TRNAU1AP: variants seen among roughly 807,000 people sequenced by gnomAD.
TRNAU1AP encodes the protein tRNA selenocysteine 1-associated protein 1.
In TRNAU1AP, 33 loss-of-function variants were observed where a neutral mutation model predicts 43.3. The ratio of observed to expected loss-of-function variants is 0.76; its 90% confidence interval spans 0.58 to 1.02. The LOEUF (loss-of-function observed/expected upper bound fraction) is 1.02, where lower values mean the gene tolerates loss of function less well. TRNAU1AP is among the 50% of genes least tolerant of loss of function. The pLI, the probability that TRNAU1AP is intolerant of heterozygous loss-of-function variation, is 0.00. For missense variants in TRNAU1AP, 290 were observed against 362.7 expected (o/e 0.80, Z 1.63); for synonymous variants, 143 against 129.1 (o/e 1.11, Z -0.73).
chr1:28,577,535 A>G lies in TRNAU1AP; in HGVS notation c.763A>G (p.Lys255Glu). 6.2e-7 allele frequency: 1 copy of G among 1,614,078 alleles called. No individual in the cohort carries two copies. Among genetic ancestry groups the G allele is most frequent in the Admixed American group, 1.7e-5 (1 of 59,992 alleles). The change falls in exon 9 of 9, where the codon AAG becomes GAG. Residue 255 changes from lysine (K) to glutamate (E), a missense_variant. This residue lies in a region of TRNAU1AP where 57 missense variants were observed against 55.1 expected (regional missense o/e 1.03). Coordinates refer to ENST00000373830, the MANE Select transcript of TRNAU1AP (RefSeq NM_017846.5). ...ACAGCTGGATGTGACTGAGGCCAAC[A>G]AGGAGTTCATGGAACAGAGTGAGGA... ...MPQLDVTEAN[K>E]EFMEQSEELY...
chr1:28,571,932 C>CGGGTGTTA, intron 8 of TRNAU1AP, 32 bp downstream of exon 8: 1 of 1,598,836 alleles, frequency 6.3e-7, no homozygotes, highest in Non-Finnish European at 8.6e-7. Context: ...ACTCTGTCAG[C>CGGGTGTTA]CATTATCAGG....
intron 8 of TRNAU1AP, chr1:28,574,697 C>T (rs1369869268): frequency 6.6e-6 from 1 of 152,158 alleles, no homozygotes; most frequent in Non-Finnish European, 1.5e-5. Flanking sequence ...AGCCACTGCT[C>T]CTGGCCAAAA....
intron 6 of TRNAU1AP, among the ~76,000 whole-genome samples, chr1:28,569,090 C>T (rs1354551342): frequency 3.3e-5 from 5 of 152,052 alleles, no homozygotes; most frequent in Non-Finnish European, 5.9e-5. Flanking sequence ...GGATTACAGG[C>T]GTGAGCCACT....
intron 2 of TRNAU1AP, among the ~76,000 whole-genome samples, chr1:28,555,857 C>CTT (rs374688110): frequency 4.7e-5 from 6 of 126,620 alleles, no homozygotes; most frequent in Non-Finnish European, 8.6e-5. Context: ...ATTTTTTTTT[C>CTT]TTTTTTTTTT....
At chr1:28,571,077 A>G in intron 6 of TRNAU1AP, 99 bp from the exon 7 acceptor site, 4 of 1,202,922 alleles carry the variant, frequency 3.3e-6, no homozygotes, top group Non-Finnish European at 4.7e-6. Context: ...GAAAAAAAAA[A>G]GTTAATCGGT....
intron 4 of TRNAU1AP, among the ~76,000 whole-genome samples, chr1:28,561,801 G>A (rs894614262): frequency 4.6e-5 from 7 of 152,068 alleles, no homozygotes; most frequent in African/African-American, 9.7e-5. Flanking sequence ...GGCCGGGTGT[G>A]GTGGCTCACT....
Position 28,567,424 on chromosome 1 carries a change from C to T in TRNAU1AP, c.530+11C>T, listed in dbSNP as rs1665565968. 3 of 1,592,890 alleles carry T rather than the reference C, an allele frequency of 1.9e-6. No homozygotes were observed. The highest frequency in any genetic ancestry group is 2.6e-6 in the Non-Finnish European group (3 of 1,174,692). On this transcript the variant is annotated intron_variant, in intron 6 of 8. Coordinates refer to ENST00000373830, the MANE Select transcript of TRNAU1AP (RefSeq NM_017846.5). Reference sequence around the variant, plus strand: ...GGCAATCCCTAAAGCGTGAGTCCTGCAGGGAAGGTAGAGAGACTCTAGACT... The same window carrying T: ...GGCAATCCCTAAAGCGTGAGTCCTGTAGGGAAGGTAGAGAGACTCTAGACT...
intron 6 of TRNAU1AP, among the ~76,000 whole-genome samples, chr1:28,569,857 C>T (rs141302097): frequency 0.25 from 36,958 of 146,696 alleles, 4,783 homozygotes; most frequent in Middle Eastern, 0.33. Flanking sequence ...AAAAATTAGC[C>T]GGGCGTGCTG....
Position 28,553,159 on chromosome 1 carries a change from G to A in TRNAU1AP, c.27+22G>A, listed in dbSNP as rs372417578. The stretch of plus-strand genomic sequence containing the variant: ...CGACGTGAGTGAGGGCAGCCGTCCG[G>A]GGTCTGAAGACAAGGAAGCATCTCG... On this transcript the variant is annotated intron_variant, in intron 1 of 8. Coordinates refer to ENST00000373830, the MANE Select transcript of TRNAU1AP (RefSeq NM_017846.5). 23 of 1,499,580 alleles carry A rather than the reference G, an allele frequency of 1.5e-5. 1 individual carries two copies. The South Asian group carries it at 2.9e-4, about 19-fold the overall frequency. 92.9% of individuals were successfully genotyped at this position (1,499,580 alleles called of 1,614,324 possible).
intron 2 of TRNAU1AP, among the ~76,000 whole-genome samples, chr1:28,557,368 G>A (rs897740221): frequency 9.9e-5 from 15 of 151,088 alleles, no homozygotes; most frequent in Non-Finnish European, 1.6e-4. Context: ...TGCAGCGAGC[G>A]GAGATCACAC....
At position 28,567,354 on chromosome 1, in the gene TRNAU1AP, C is replaced by T; in HGVS notation, c.471C>T (p.Cys157=). 1 of 1,613,644 alleles carries T rather than the reference C, an allele frequency of 6.2e-7. No homozygotes were observed. The highest frequency in any genetic ancestry group is 1.1e-5 in the South Asian group (1 of 91,042). ...AACAGAAGCGAGCCCTGACGGAGTG[C>T]CAGGGAGCAGTGGGACTGGGGTCTA... is the stretch of plus-strand genomic sequence containing the variant. ...ELEQKRALTE[C]QGAVGLGSKP... is the part of the protein sequence containing the mutation. Residue 157 remains cysteine, a synonymous_variant, in exon 6 of 9, where the codon TGC becomes TGT. Transcript: ENST00000373830.
Position 28,577,658 on chromosome 1 carries a change from G to T in TRNAU1AP, c.*22G>T, listed in dbSNP as rs764488654. 6.2e-7 allele frequency: 1 copy of T among 1,603,568 alleles called. No homozygotes were observed. Among genetic ancestry groups the T allele is most frequent in the Non-Finnish European group, 8.5e-7 (1 of 1,175,114 alleles). On this transcript the variant is annotated 3_prime_UTR_variant, in exon 9 of 9. Coordinates refer to ENST00000373830, the MANE Select transcript of TRNAU1AP (RefSeq NM_017846.5). Reference sequence around the variant, plus strand: ...GTAGCCAGGCCAAAGGACAAGCCAGGTTGCATGATGTGAGGGAGATGAGAG... The same window carrying T: ...GTAGCCAGGCCAAAGGACAAGCCAGTTTGCATGATGTGAGGGAGATGAGAG...
At chr1:28,553,451 A>T in intron 1 of TRNAU1AP, 189 bp from the exon 2 acceptor site, 1 of 633,452 alleles carries the variant, frequency 1.6e-6, no homozygotes, top group Admixed American at 2.9e-5. Flanking sequence ...GTCCAAGGGG[A>T]GGCTCCCTAA....
At chr1:28,571,627 C>A (rs927827447) in intron 7 of TRNAU1AP, among the ~76,000 whole-genome samples, 4 of 151,838 alleles carry the variant, frequency 2.6e-5, no homozygotes, top group Non-Finnish European at 5.9e-5. Flanking sequence ...ACTAAAAATA[C>A]AAAAAATTAG....
chr1:28,561,526 C>A, intron 4 of TRNAU1AP, 128 bp downstream of exon 4: 1 of 1,046,320 alleles, frequency 9.6e-7, no homozygotes, highest in South Asian at 1.4e-5. Flanking sequence ...TTCTCCCTTC[C>A]TTGCTGGTGG....
chr1:28,577,807 G>C lies in TRNAU1AP; in HGVS notation c.*171G>C, dbSNP rs1665833038. The stretch of plus-strand genomic sequence containing the variant: ...TGCATTCATTTGACCATTTGAGTTT[G>C]AAGACCAAGGGAACAACTTTTAAAC... On this transcript the variant is annotated 3_prime_UTR_variant, in exon 9 of 9. Transcript: ENST00000373830. The C allele has an allele frequency of 2.8e-6, 2 of 720,502 alleles. No individual in the cohort carries two copies. The highest frequency in any genetic ancestry group is 6.4e-5 in the Admixed American group (2 of 31,418). The allele number at this position is 720,502 out of a possible 1,614,324, so 44.6% of individuals were successfully genotyped here. A position where few individuals can be genotyped will look rare whatever the true frequency, so the allele number is the denominator to read the frequency against.
chr1:28,576,821 A>C (rs1226399012), intron 8 of TRNAU1AP, among the ~76,000 whole-genome samples: 2 of 150,434 alleles, frequency 1.3e-5, no homozygotes, highest in Non-Finnish European at 3.0e-5. Flanking sequence ...CTGGTCTTGA[A>C]CTCCCGACTT....
chr1:28,564,268 A>G (rs1407633399), intron 4 of TRNAU1AP, among the ~76,000 whole-genome samples: 1 of 152,208 alleles, frequency 6.6e-6, no homozygotes, highest in African/African-American at 2.4e-5. Context: ...CCATCTCAGA[A>G]AAAAAGATTG....
At chr1:28,565,487 TAA>T (rs61222018) in intron 5 of TRNAU1AP, 49 of 134,108 alleles carry the variant, frequency 3.7e-4, no homozygotes, top group Middle Eastern at 3.8e-3. Context: ...TCTGTCTCCA[TAA>T]AAAAAAAAAA....
Sources: allele counts gnomAD v4.1 joint callset (sites outside exome capture counted in the v4.1 genomes callset), GRCh38; gene constraint gnomAD v4.1.1; regional missense constraint gnomAD v4.1.1; transcripts MANE v1.5; gene names NCBI Gene and HGNC (gene_info 2026-07-23, HGNC 2026-07-21).